Variants in ENTREP2 observed in about 807,000 individuals in gnomAD.
ENTREP2 encodes the protein endosomal transmembrane epsin interactor 2.
At chr15:29,655,542 A>C in the ENTREP2 span, among the ~76,000 whole-genome samples, 1 of 152,236 alleles carries the variant, frequency 6.6e-6, no homozygotes, top group African/African-American at 2.4e-5. Context: ...AAAGAGAGCA[A>C]TCAAGAGAGC....
chr15:29,349,373 G>A, the ENTREP2 span, among the ~76,000 whole-genome samples: 1 of 152,176 alleles, frequency 6.6e-6, no homozygotes. Flanking sequence ...TCAGGAATGT[G>A]TACAAGCTAT....
chr15:29,516,968 C>CAAAAAAAAAAA, the ENTREP2 span, among the ~76,000 whole-genome samples: 1 of 88,660 alleles, frequency 1.1e-5, no homozygotes, highest in African/African-American at 4.5e-5. Context: ...AATTATGAGC[C>CAAAAAAAAAAA]AAAAAAAAAA....
chr15:29,424,703 C>T, the ENTREP2 span, among the ~76,000 whole-genome samples: 2 of 152,150 alleles, frequency 1.3e-5, no homozygotes, highest in African/African-American at 2.4e-5. Flanking sequence ...GGAGACACAC[C>T]AGGCAGTGCC....
chr15:29,138,699 ATGCG>A, the ENTREP2 span, among the ~76,000 whole-genome samples: 2 of 88,284 alleles, frequency 2.3e-5, no homozygotes, highest in Non-Finnish European at 4.5e-5. Flanking sequence ...ATGTGTGTGT[ATGCG>A]TGTGTGTGTG....
chr15:29,657,485 G>A, the ENTREP2 span, among the ~76,000 whole-genome samples: 1 of 36,362 alleles, frequency 2.8e-5, no homozygotes, highest in Non-Finnish European at 6.3e-5. Context: ...TGGGGGGGCG[G>A]GGGGGGGGGG....
At chr15:29,275,463 G>A in the ENTREP2 span, among the ~76,000 whole-genome samples, 1 of 152,176 alleles carries the variant, frequency 6.6e-6, no homozygotes, top group East Asian at 1.9e-4. Flanking sequence ...TGTTCAGGCA[G>A]TGAAGTCACA....
chr15:29,326,008 A>G, the ENTREP2 span, among the ~76,000 whole-genome samples: 14 of 152,304 alleles, frequency 9.2e-5, no homozygotes, highest in South Asian at 2.9e-3. Flanking sequence ...CAATTGATGC[A>G]GAAAATGCAT....
the ENTREP2 span, among the ~76,000 whole-genome samples, chr15:29,400,119 C>T: frequency 1.3e-5 from 2 of 152,192 alleles, no homozygotes; most frequent in Non-Finnish European, 2.9e-5. Flanking sequence ...GTATGTGTGA[C>T]TCTTGTGCCC....
At chr15:29,235,105 C>T in the ENTREP2 span, 1 of 1,065,820 alleles carries the variant, frequency 9.4e-7, no homozygotes, top group East Asian at 2.4e-5. Context: ...TCATGTCCCA[C>T]AACAGATGTG....
the ENTREP2 span, among the ~76,000 whole-genome samples, chr15:29,570,922 C>G: frequency 1.4e-5 from 2 of 144,936 alleles, no homozygotes; most frequent in Non-Finnish European, 1.5e-5. Flanking sequence ...CGCCGGTGCC[C>G]GCGCCCATGC....
the ENTREP2 span, among the ~76,000 whole-genome samples, chr15:29,162,526 T>A: frequency 4.6e-5 from 7 of 152,056 alleles, no homozygotes; most frequent in Non-Finnish European, 8.8e-5. Flanking sequence ...GTGAGGCCTG[T>A]GACTGCCAGC....
At chr15:29,401,782 C>T in the ENTREP2 span, among the ~76,000 whole-genome samples, 1 of 152,190 alleles carries the variant, frequency 6.6e-6, no homozygotes, top group African/African-American at 2.4e-5. Flanking sequence ...TTACATAGAA[C>T]ATGAATATGT....
chr15:29,241,174 C>T, the ENTREP2 span, among the ~76,000 whole-genome samples: 56,388 of 151,860 alleles, frequency 0.37, 10,764 homozygotes, highest in East Asian at 0.6. Flanking sequence ...AGAAAAAGAA[C>T]GTATATTCAC....
the ENTREP2 span, among the ~76,000 whole-genome samples, chr15:29,159,572 G>T: frequency 6.6e-6 from 1 of 152,160 alleles, no homozygotes; most frequent in Non-Finnish European, 1.5e-5. Context: ...GGTCCGTTTT[G>T]ACAGGGTGCT....
chr15:29,636,614 T>C, the ENTREP2 span, among the ~76,000 whole-genome samples: 1 of 152,180 alleles, frequency 6.6e-6, no homozygotes, highest in African/African-American at 2.4e-5. Context: ...AAGACCCTGA[T>C]ACGACGCTCC....
the ENTREP2 span, among the ~76,000 whole-genome samples, chr15:29,476,810 C>T: frequency 6.6e-6 from 1 of 152,192 alleles, no homozygotes; most frequent in African/African-American, 2.4e-5. Flanking sequence ...CTCTCACATG[C>T]TGCTGGCGGG....
At chr15:29,423,339 T>C in the ENTREP2 span, among the ~76,000 whole-genome samples, 1 of 152,168 alleles carries the variant, frequency 6.6e-6, no homozygotes, top group Non-Finnish European at 1.5e-5. Context: ...AATTCCTTCT[T>C]CTGACTATAC....
chr15:29,318,421 C>T, the ENTREP2 span, among the ~76,000 whole-genome samples: 5 of 152,032 alleles, frequency 3.3e-5, no homozygotes, highest in Admixed American at 6.6e-5. Flanking sequence ...CCTGGGTTCA[C>T]GCCATTCTCC....
the ENTREP2 span, among the ~76,000 whole-genome samples, chr15:29,654,662 T>A: frequency 6.6e-6 from 1 of 152,220 alleles, no homozygotes; most frequent in Admixed American, 6.5e-5. Flanking sequence ...TATCTTGCAG[T>A]ATACAAAATT....
Sources: gnomAD v4.1 joint callset for allele counts (sites outside exome capture counted in the v4.1 genomes callset) on GRCh38, gnomAD v4.1.1 for gene constraint, MANE v1.5 for transcripts, NCBI Gene and HGNC (gene_info 2026-07-23, HGNC 2026-07-21) for gene names.